ZBED3: variants seen among roughly 807,000 people sequenced by gnomAD.
ZBED3 encodes the protein zinc finger BED domain-containing protein 3.
For synonymous variants in ZBED3, 175 were observed against 180.0 expected (o/e 0.97, Z 0.22); for missense variants, 388 against 362.9 (o/e 1.07, Z -0.56).
chr5:77,086,892 G>T (rs1020616749), intron 1 of ZBED3: 2 of 152,330 alleles, frequency 1.3e-5, no homozygotes, highest in African/African-American at 4.8e-5. Context: ...CAAGAATGAG[G>T]CACTGGAAGA....
chr5:77,087,066 C>T (rs1269957530), intron 1 of ZBED3, 45 bp downstream of exon 1: 1 of 152,302 alleles, frequency 6.6e-6, no homozygotes, highest in African/African-American at 2.4e-5. Flanking sequence ...TCCCCGCTGC[C>T]CGGCCCAGCC....
intron 1 of ZBED3, among the ~76,000 whole-genome samples, chr5:77,080,103 A>T (rs1743099506): frequency 6.6e-6 from 1 of 152,222 alleles, no homozygotes; most frequent in Non-Finnish European, 1.5e-5. Flanking sequence ...GTTTCCTATA[A>T]CATCAAGAGT....
At chr5:77,084,404 G>A (rs899339463) in intron 1 of ZBED3, among the ~76,000 whole-genome samples, 1 of 152,180 alleles carries the variant, frequency 6.6e-6, no homozygotes, top group Non-Finnish European at 1.5e-5. Flanking sequence ...TAAACGAGAA[G>A]CCCTTTTCGC....
intron 1 of ZBED3, among the ~76,000 whole-genome samples, chr5:77,086,328 CT>C (rs796988896): frequency 6.2e-4 from 91 of 147,832 alleles, no homozygotes; most frequent in Middle Eastern, 6.8e-3. Context: ...TTGCTGTCTA[CT>C]TTTTTTTTTA....
intron 1 of ZBED3, among the ~76,000 whole-genome samples, chr5:77,080,748 G>A (rs570931766): frequency 7.9e-5 from 12 of 152,296 alleles, no homozygotes; most frequent in Admixed American, 5.9e-4. Context: ...ATGAGAACAC[G>A]TGGACACAGG....
At position 77,075,944 on chromosome 5, in the gene ZBED3, C is replaced by CATATATATATAT. The variant is rs1159328230; in HGVS notation, c.*1218_*1229dup. Reference sequence around the variant, plus strand: ...CCTAGAACTTAAAGTATTATATATACATATATATATATATATATATATGTA... The same window carrying CATATATATATAT: ...CCTAGAACTTAAAGTATTATATATACATATATATATATATATATATATATATATATATATGTA... On this transcript the variant is annotated 3_prime_UTR_variant, in exon 3 of 3. Coordinates refer to ENST00000255198, the MANE Select transcript of ZBED3 (RefSeq NM_032367.4). 1.7e-4 allele frequency: 4 copies of CATATATATATAT among 23,448 alleles called. No homozygotes were observed. The highest frequency in any genetic ancestry group is 1.4e-3 in the South Asian group (1 of 740). The allele number at this position is 23,448 out of a possible 1,614,324, so 1.5% of individuals were successfully genotyped here. A position where few individuals can be genotyped will look rare whatever the true frequency, so the allele number is the denominator to read the frequency against.
At position 77,080,057 on chromosome 5, in the gene ZBED3, G is replaced by A. The variant is rs562926334; in HGVS notation, c.-152-1329C>T. Among the ~76,000 whole-genome samples the A allele has an allele frequency of 3.9e-5, 6 of 151,900 alleles. No homozygotes were observed. In the East Asian group the frequency reaches 7.7e-4, roughly 20 times the overall value. ...AGAGACTATTATAATGAATCTTTAC[G>A]ACTAATTTACTTTATAAATTAAAAG... On this transcript the variant is annotated intron_variant, in intron 1 of 2. Transcript: ENST00000255198.
In ZBED3 at chr5:77,077,091, T is replaced by A. The variant is rs1237366606; in HGVS notation, c.*83A>T. On this transcript the variant is annotated 3_prime_UTR_variant, in exon 3 of 3. Transcript: ENST00000255198. ...TAGCGGCTGCGGGCCTGGCTTCGGT[T>A]ACGGCTTCGGTCCCAGCGGGGTCTG... 2.7e-6 allele frequency: 3 copies of A among 1,106,412 alleles called. No homozygotes were observed. Among genetic ancestry groups the A allele is most frequent in the Non-Finnish European group, 3.5e-6 (3 of 861,386 alleles). 68.5% of individuals were successfully genotyped at this position (1,106,412 alleles called of 1,614,324 possible).
At chr5:77,082,420 G>C (rs1481643106) in intron 1 of ZBED3, among the ~76,000 whole-genome samples, 2 of 152,100 alleles carry the variant, frequency 1.3e-5, no homozygotes, top group Non-Finnish European at 2.9e-5. Flanking sequence ...CAAGAAACTG[G>C]AAGCAAGGGA....
intron 1 of ZBED3, among the ~76,000 whole-genome samples, chr5:77,082,117 A>T (rs1176934901): frequency 6.6e-6 from 1 of 152,060 alleles, no homozygotes; most frequent in Non-Finnish European, 1.5e-5. Context: ...AAATACAAAA[A>T]TTAGCTGGGC....
In ZBED3 at chr5:77,077,405, C is replaced by T. The variant is rs1458149724; in HGVS notation, c.474G>A (p.Glu158=). The change falls in exon 3 of 3, where the codon GAG becomes GAA. Residue 158 remains glutamate, a synonymous_variant. Coordinates refer to ENST00000255198, the MANE Select transcript of ZBED3 (RefSeq NM_032367.4). The part of the protein sequence containing the change: ...RELERRELAV[E]QGERALERRR... ...TCCGCTCCAGGGCGCGCTCGCCCTG[C>T]TCCACGGCCAGCTCGCGCCGCTCCA... 1.6e-6 allele frequency: 2 copies of T among 1,245,368 alleles called. No homozygotes were observed. Among genetic ancestry groups the T allele is most frequent in the South Asian group, 2.7e-5 (1 of 36,850 alleles). 77.1% of individuals were successfully genotyped at this position (1,245,368 alleles called of 1,614,324 possible). A position where few individuals can be genotyped will look rare whatever the true frequency, so the allele number is the denominator to read the frequency against.
At chr5:77,081,934 G>A (rs1388409114) in intron 1 of ZBED3, among the ~76,000 whole-genome samples, 1 of 152,008 alleles carries the variant, frequency 6.6e-6, no homozygotes, top group African/African-American at 2.4e-5. Flanking sequence ...CAACAATTCT[G>A]ATACCTGTGT....
In ZBED3 at chr5:77,075,935, T is replaced by TTTTATA. The variant is rs1554047999; in HGVS notation, c.*1238_*1239insTATAAA. ...GACATGCACCCTAGAACTTAAAGTA[T>TTTTATA]TATATATACATATATATATATATAT... is the stretch of plus-strand genomic sequence containing the variant. On this transcript the variant is annotated 3_prime_UTR_variant, in exon 3 of 3. Coordinates refer to ENST00000255198, the MANE Select transcript of ZBED3 (RefSeq NM_032367.4). 10 of 21,158 alleles carry TTTTATA rather than the reference T, an allele frequency of 4.7e-4. 2 individuals are homozygous for TTTTATA. Among genetic ancestry groups the TTTTATA allele is most frequent in the African/African-American group, 1.1e-3 (8 of 7,472 alleles). 1.3% of individuals were successfully genotyped at this position (21,158 alleles called of 1,614,324 possible).
rs1421850842 is a variant in ZBED3 at position 77,074,118 on chromosome 5, C to T, written c.*3056G>A. ...CAGGTCTTGTCAGGAAGAACAGAGT[C>T]CAATTTGGCTGCAGGATAGGGCATA... On this transcript the variant is annotated 3_prime_UTR_variant, in exon 3 of 3. Transcript: ENST00000255198. 1 of 152,154 alleles carries T rather than the reference C, an allele frequency of 6.6e-6. No homozygotes were observed. Among genetic ancestry groups the T allele is most frequent in the Non-Finnish European group, 1.5e-5 (1 of 68,052 alleles). 9.4% of individuals were successfully genotyped at this position (152,154 alleles called of 1,614,324 possible). A position where few individuals can be genotyped will look rare whatever the true frequency, so the allele number is the denominator to read the frequency against.
intron 1 of ZBED3, among the ~76,000 whole-genome samples, chr5:77,081,685 G>C (rs1187655702): frequency 6.6e-6 from 1 of 152,030 alleles, no homozygotes; most frequent in East Asian, 1.9e-4. Context: ...CTAATAAGAA[G>C]AAAATGAAAA....
In ZBED3 at chr5:77,077,094, G is replaced by C; in HGVS notation, c.*80C>G. On this transcript the variant is annotated 3_prime_UTR_variant, in exon 3 of 3. Coordinates refer to ENST00000255198, the MANE Select transcript of ZBED3 (RefSeq NM_032367.4). Reference sequence around the variant, plus strand: ...CGGCTGCGGGCCTGGCTTCGGTTACGGCTTCGGTCCCAGCGGGGTCTGAAG... The same window carrying C: ...CGGCTGCGGGCCTGGCTTCGGTTACCGCTTCGGTCCCAGCGGGGTCTGAAG... The C allele has an allele frequency of 8.9e-7, 1 of 1,123,504 alleles. No individual in the cohort carries two copies. Among genetic ancestry groups the C allele is most frequent in the South Asian group, 3.1e-5 (1 of 32,508 alleles). 69.6% of individuals were successfully genotyped at this position (1,123,504 alleles called of 1,614,324 possible).
Position 77,077,654 on chromosome 5 carries a change from C to G in ZBED3, c.225G>C (p.Gln75His), listed in dbSNP as rs1375114455. 16 of 1,412,702 alleles carry G rather than the reference C, an allele frequency of 1.1e-5. No individual in the cohort carries two copies. Among genetic ancestry groups the G allele is most frequent in the Non-Finnish European group, 1.5e-5 (16 of 1,084,530 alleles). 87.5% of individuals were successfully genotyped at this position (1,412,702 alleles called of 1,614,324 possible). A position where few individuals can be genotyped will look rare whatever the true frequency, so the allele number is the denominator to read the frequency against. Residue 75 changes from glutamine to histidine, a missense_variant, in exon 3 of 3, where the codon CAG (glutamine) becomes CAC (histidine). Transcript: ENST00000255198. Reference sequence around the variant, plus strand: ...CGTGGAAGCCCGGGCCGCGGCCCACCTGCTCCCCGCACAGACGGCAGGTGG... The same window carrying G: ...CGTGGAAGCCCGGGCCGCGGCCCACGTGCTCCCCGCACAGACGGCAGGTGG... ...HWATCRLCGE[Q>H]VGRGPGFHAG...
At chr5:77,080,983 G>C (rs1743117767) in intron 1 of ZBED3, among the ~76,000 whole-genome samples, 1 of 152,092 alleles carries the variant, frequency 6.6e-6, no homozygotes, top group Admixed American at 6.5e-5. Context: ...CAATGTGGAG[G>C]GGGAGAAACC....
chr5:77,077,520 CCGGGCGGCGG>C lies in ZBED3; in HGVS notation c.349_358del (p.Pro117AlafsTer80). 8.3e-7 allele frequency: 1 copy of C among 1,202,590 alleles called. No homozygotes were observed. Among genetic ancestry groups the C allele is most frequent in the Non-Finnish European group, 1.0e-6 (1 of 972,172 alleles). 74.5% of individuals were successfully genotyped at this position (1,202,590 alleles called of 1,614,324 possible). On this transcript the variant is annotated frameshift_variant, in exon 3 of 3. Transcript: ENST00000255198. LOFTEE classifies it low-confidence loss of function (END_TRUNC). ...GTCGCCCTCGGGGGCCGCAGCGGGG[CCGGGCGGCGG>C]CGGGCAGGGCGCGGCAGGTGGGGAG...
Sources: gnomAD v4.1 joint callset for allele counts (sites outside exome capture counted in the v4.1 genomes callset) on GRCh38, gnomAD v4.1.1 for gene constraint, MANE v1.5 for transcripts, NCBI Gene and HGNC (gene_info 2026-07-23, HGNC 2026-07-21) for gene names.